IREB2: variants seen among roughly 807,000 people sequenced by gnomAD.
The protein encoded by IREB2 is iron-responsive element-binding protein 2.
Under a neutral mutation model 118.8 loss-of-function variants are expected in IREB2, and 39 were observed. The ratio of observed to expected loss-of-function variants is 0.33; its 90% CI spans 0.25 to 0.43. IREB2 has a LOEUF of 0.43. IREB2 is among the 20% of genes least tolerant of loss of function. IREB2 has a pLI of 1.00. For synonymous variants in IREB2, 372 were observed against 392.2 expected, an observed-to-expected ratio of 0.95 and a Z score of 0.61; for missense variants, 900 against 1,147.3, an observed-to-expected ratio of 0.78 and a Z score of 3.11.
intron 13 of IREB2, 23 bp from the exon 14 acceptor site, chr15:78,487,706 TTCAG>T: frequency 2.4e-6 from 3 of 1,248,476 alleles, no homozygotes; most frequent in Non-Finnish European, 3.5e-6. Flanking sequence ...TGATGTGCTA[TTCAG>T]TCACTTTTTT....
At chr15:78,444,343 T>C (rs1311479481) in intron 2 of IREB2, among the ~76,000 whole-genome samples, 1 of 151,940 alleles carries the variant, frequency 6.6e-6, no homozygotes, top group East Asian at 1.9e-4. Flanking sequence ...AATGACTATG[T>C]TGAATGAAGG....
chr15:78,472,758 A>G (rs564058619), intron 7 of IREB2, among the ~76,000 whole-genome samples: 3 of 152,320 alleles, frequency 2.0e-5, no homozygotes, highest in South Asian at 2.1e-4. Context: ...AAATGTGGCT[A>G]CTATTAACTC....
chr15:78,451,197 C>A (rs1016439585), intron 2 of IREB2, among the ~76,000 whole-genome samples: 1 of 152,042 alleles, frequency 6.6e-6, no homozygotes, highest in Non-Finnish European at 1.5e-5. Flanking sequence ...AACTCCTGAC[C>A]TCAGATGATC....
rs781561593 is a variant in IREB2 at position 78,488,169 on chromosome 15, G to GT, written c.1795-4dup. 7 of 1,597,662 alleles carry GT rather than the reference G, an allele frequency of 4.4e-6. No homozygotes were observed. Among genetic ancestry groups the GT allele is most frequent in the East Asian group, 2.3e-5 (1 of 44,114 alleles). On this transcript the variant is annotated splice_polypyrimidine_tract_variant and intron_variant, in intron 14 of 21. Coordinates refer to ENST00000258886, the MANE Select transcript of IREB2 (RefSeq NM_004136.4). ...TGAATTTATTTGTTTGTGTGTTTGT[G>GT]TTTTTTTCAGGGTGATTTGGTTACC...
chr15:78,500,294 C>G lies in IREB2; in HGVS notation c.*2151C>G, dbSNP rs2051918556. The G allele has an allele frequency of 6.6e-6, 1 of 152,120 alleles. No homozygotes were observed. Among genetic ancestry groups the G allele is most frequent in the African/African-American group, 2.4e-5 (1 of 41,430 alleles). 9.4% of individuals were successfully genotyped at this position (152,120 alleles called of 1,614,324 possible). On this transcript the variant is annotated 3_prime_UTR_variant, in exon 22 of 22. Transcript: ENST00000258886. ...CAGTCTACCTGGTCCAGTAATAATA[C>G]AAGCAAATCTTGTATTTCAGGAACA...
chr15:78,489,922 C>T (rs1330768569), intron 16 of IREB2, among the ~76,000 whole-genome samples: 2 of 152,190 alleles, frequency 1.3e-5, no homozygotes, highest in Non-Finnish European at 2.9e-5. Flanking sequence ...TAACAGCATA[C>T]CTCATACATG....
chr15:78,491,261 G>A (rs1024222451), intron 18 of IREB2, among the ~76,000 whole-genome samples: 2 of 152,034 alleles, frequency 1.3e-5, no homozygotes, highest in South Asian at 2.1e-4. Flanking sequence ...AACAATAAAC[G>A]TAAAGGCCAT....
rs953564526 is a variant in IREB2 at position 78,465,509 on chromosome 15, G to A, written c.410+121G>A. 1.6e-5 allele frequency: 15 copies of A among 922,734 alleles called. No individual in the cohort carries two copies. The South Asian group carries it at 2.6e-4, about 16-fold the overall frequency. The allele number at this position is 922,734 out of a possible 1,614,324, so 57.2% of individuals were successfully genotyped here. Reference sequence around the variant, plus strand: ...GAAAAGTATGCTAAATTTAGTATTGGCTAGTATATAAAAGCTAAAACTGGT... The same window carrying A: ...GAAAAGTATGCTAAATTTAGTATTGACTAGTATATAAAAGCTAAAACTGGT... On this transcript the variant is annotated intron_variant, in intron 4 of 21. Coordinates refer to ENST00000258886, the MANE Select transcript of IREB2 (RefSeq NM_004136.4).
Position 78,485,028 on chromosome 15 carries a change from A to T in IREB2, c.1573+108A>T, listed in dbSNP as rs1795634872. On this transcript the variant is annotated intron_variant, in intron 12 of 21. Coordinates refer to ENST00000258886, the MANE Select transcript of IREB2 (RefSeq NM_004136.4). ...TGATGCATGAGTGTCTACATTTGATATTGAGAGACTTTCTAGTATTTTAGT... is the reference window on the plus strand; with the variant it reads ...TGATGCATGAGTGTCTACATTTGATTTTGAGAGACTTTCTAGTATTTTAGT... 8 of 950,304 alleles carry T rather than the reference A, an allele frequency of 8.4e-6. No individual in the cohort carries two copies. The Admixed American group carries it at 1.9e-4, about 23-fold the overall frequency. The allele number at this position is 950,304 out of a possible 1,614,324, so 58.9% of individuals were successfully genotyped here.
rs994824984 is a variant in IREB2, at chr15:78,501,189, G to A, written c.*3046G>A. The A allele has an allele frequency of 1.3e-5, 2 of 152,154 alleles. No homozygotes were observed. The highest frequency in any genetic ancestry group is 6.6e-5 in the Admixed American group (1 of 15,260). The allele number at this position is 152,154 out of a possible 1,614,324, so 9.4% of individuals were successfully genotyped here. A position where few individuals can be genotyped will look rare whatever the true frequency, so the allele number is the denominator to read the frequency against. ...TCCCCTAAAGAGTGATATTGCTGAC[G>A]TTTCTATCAATTTTACACATAATAT... is the stretch of plus-strand genomic sequence containing the variant. On this transcript the variant is annotated 3_prime_UTR_variant, in exon 22 of 22. Transcript: ENST00000258886.
intron 2 of IREB2, among the ~76,000 whole-genome samples, chr15:78,457,222 A>G (rs1013813522): frequency 2.0e-5 from 3 of 151,966 alleles, no homozygotes; most frequent in Non-Finnish European, 4.4e-5. Context: ...CATGTAATCT[A>G]TTGGTTATTT....
intron 2 of IREB2, among the ~76,000 whole-genome samples, chr15:78,444,487 T>G (rs1312722861): frequency 6.6e-6 from 1 of 152,066 alleles, no homozygotes; most frequent in African/African-American, 2.4e-5. Flanking sequence ...ATTCACCCTT[T>G]CTTTTGTCCT....
chr15:78,462,107 T>C (rs986250694), intron 2 of IREB2, among the ~76,000 whole-genome samples: 1 of 152,206 alleles, frequency 6.6e-6, no homozygotes, highest in Admixed American at 6.5e-5. Flanking sequence ...GTTTTTAAAC[T>C]CTCTTTCTTA....
intron 7 of IREB2, 94 bp downstream of exon 7, chr15:78,472,018 T>A (rs2051388393): frequency 5.6e-6 from 5 of 889,994 alleles, no homozygotes; most frequent in South Asian, 2.5e-5. Flanking sequence ...GTATAGCCTC[T>A]TTGAGGCTCT....
intron 18 of IREB2, among the ~76,000 whole-genome samples, chr15:78,491,533 T>A (rs1646579992): frequency 6.6e-6 from 1 of 152,218 alleles, no homozygotes; most frequent in African/African-American, 2.4e-5. Flanking sequence ...AGACTCACTC[T>A]GTCACCCAGG....
intron 2 of IREB2, among the ~76,000 whole-genome samples, chr15:78,446,090 T>C (rs1480771695): frequency 2.0e-5 from 3 of 152,208 alleles, no homozygotes; most frequent in African/African-American, 7.2e-5. Flanking sequence ...AGCTCACCTG[T>C]TGTTTTAACC....
intron 10 of IREB2, among the ~76,000 whole-genome samples, chr15:78,483,052 A>G (rs1337886793): frequency 6.6e-6 from 1 of 152,166 alleles, no homozygotes; most frequent in Non-Finnish European, 1.5e-5. Flanking sequence ...GATTTTGTAT[A>G]TGCAGTACAA....
chr15:78,465,356 T>C lies in IREB2; in HGVS notation c.378T>C (p.Val126=). 6.2e-7 allele frequency: 1 copy of C among 1,613,092 alleles called. No homozygotes were observed. Among genetic ancestry groups the C allele is most frequent in the Non-Finnish European group, 8.5e-7 (1 of 1,179,688 alleles). Residue 126 remains valine (V), a synonymous_variant, in exon 4 of 22, where the codon GTT becomes GTC. Transcript: ENST00000258886. ...VHPACPTDLT[V]DHSLQIDFSK... ...CTGCTTGTCCGACAGATCTTACAGT[T>C]GACCATTCTTTACAAATTGACTTCA...
At chr15:78,482,134 G>A (rs988725156) in intron 10 of IREB2, among the ~76,000 whole-genome samples, 1 of 152,104 alleles carries the variant, frequency 6.6e-6, no homozygotes, top group Non-Finnish European at 1.5e-5. Context: ...TGGGGCTAAG[G>A]CGGGAGGATC....
Sources: allele counts gnomAD v4.1 joint callset (sites outside exome capture counted in the v4.1 genomes callset), GRCh38; gene constraint gnomAD v4.1.1; transcripts MANE v1.5; gene names NCBI Gene and HGNC (gene_info 2026-07-23, HGNC 2026-07-21).